ZNF280D: variants seen among roughly 807,000 people sequenced by gnomAD.
The protein encoded by ZNF280D is suppressor of hairy wing homolog 4.
Under a neutral mutation model 94.7 loss-of-function variants are expected in ZNF280D, and 39 were observed. That is an observed-to-expected ratio of 0.41 (90% CI 0.32 to 0.54). The LOEUF is 0.54. ZNF280D is among the 20% of genes least tolerant of loss of function. The pLI is 0.22. For synonymous variants in ZNF280D, 398 were observed against 377.6 expected (o/e 1.05, Z -0.63); for missense variants, 1,090 against 1,149.3 (o/e 0.95, Z 0.75).
At chr15:56,717,684 C>T (rs1440855357) in intron 1 of ZNF280D, among the ~76,000 whole-genome samples, 3 of 152,140 alleles carry the variant, frequency 2.0e-5, no homozygotes, top group Non-Finnish European at 4.4e-5. Flanking sequence ...GAGGTAGACA[C>T]TATCATCATC....
At chr15:56,648,818 A>C (rs2053044609) in intron 19 of ZNF280D, among the ~76,000 whole-genome samples, 1 of 152,148 alleles carries the variant, frequency 6.6e-6, no homozygotes. Flanking sequence ...TCTTGCTCAG[A>C]ATCTGCTTGA....
intron 3 of ZNF280D, 120 bp from the exon 4 acceptor site, chr15:56,704,387 T>C: frequency 2.0e-6 from 2 of 983,634 alleles, no homozygotes; most frequent in Non-Finnish European, 3.0e-6. Flanking sequence ...ATTTCTGAAT[T>C]GATATTTGTA....
At chr15:56,632,145 AT>A in intron 21 of ZNF280D, 23 bp from the exon 22 acceptor site, 1 of 1,504,514 alleles carries the variant, frequency 6.6e-7, no homozygotes. Flanking sequence ...GTCATTTATT[AT>A]GTATTTCTTC....
At chr15:56,670,942 G>GA (rs1555408114) in intron 13 of ZNF280D, among the ~76,000 whole-genome samples, 5 of 151,874 alleles carry the variant, frequency 3.3e-5, no homozygotes, top group African/African-American at 1.2e-4. Flanking sequence ...GTGATGTTGA[G>GA]TTTTTTTTCA....
In ZNF280D at chr15:56,690,708, G is replaced by GT. The variant is rs1258611551; in HGVS notation, c.500-1239dup. ...CCAGGCTATAAAAAGGCTCGGAAAA[G>GT]TTTTTTTTTGAAAATAACATACAAC... On this transcript the variant is annotated intron_variant, in intron 7 of 21. Coordinates refer to ENST00000267807, the MANE Select transcript of ZNF280D (RefSeq NM_017661.4). 3.0e-4 allele frequency among the ~76,000 whole-genome samples: 45 copies of GT among 151,614 alleles called. No individual in the cohort carries two copies. In the South Asian group the frequency reaches 3.1e-3, roughly 11 times the overall value.
At chr15:56,700,194 C>A in intron 6 of ZNF280D, 1 of 976,476 alleles carries the variant, frequency 1.0e-6, no homozygotes, top group South Asian at 4.7e-5. Flanking sequence ...TTATACACAA[C>A]ATATATGTAT....
In ZNF280D at chr15:56,726,213, A is replaced by G. The variant is rs569639373; in HGVS notation, c.-86+7245T>C. Among the ~76,000 whole-genome samples, 74 of 32,688 alleles carry G rather than the reference A, an allele frequency of 2.3e-3. 2 individuals are homozygous for G. The South Asian group carries it at 0.069, about 31-fold the overall frequency. 21.4% of individuals were successfully genotyped at this position (32,688 alleles called of 152,430 possible). On this transcript the variant is annotated intron_variant, in intron 1 of 21. Transcript: ENST00000267807. ...GAGATGTATTAAAGTACAACAGGCT[A>G]AAAAAAAAAACCTATTATGGAAGTA... is the stretch of plus-strand genomic sequence containing the variant.
chr15:56,670,278 T>C (rs1407038051), intron 13 of ZNF280D, among the ~76,000 whole-genome samples: 1 of 148,844 alleles, frequency 6.7e-6, no homozygotes, highest in Admixed American at 6.8e-5. Context: ...ATCCCGGAGG[T>C]TTTTTGTACA....
intron 19 of ZNF280D, among the ~76,000 whole-genome samples, chr15:56,648,326 C>T (rs2053017980): frequency 6.6e-6 from 1 of 151,924 alleles, no homozygotes; most frequent in Admixed American, 6.6e-5. Context: ...GAAGTTTGAG[C>T]AATAGAACAT....
At chr15:56,730,113 G>C (rs2058814920) in intron 1 of ZNF280D, 1 of 151,920 alleles carries the variant, frequency 6.6e-6, no homozygotes, top group Non-Finnish European at 1.5e-5. Context: ...AGTGATAATT[G>C]TACACTTTTC....
chr15:56,701,215 TG>T lies in ZNF280D; in HGVS notation c.198del (p.Ser67AlafsTer7). The part of the protein sequence containing the change: ...AISNILNRVN[P>X]SSYSRGLKNG... ...TTCTTTAGTCCCCTTGAATATGAGCTGGGGTTAACTCTGTTCAAAATATCTA... is the reference window on the plus strand; with the variant it reads ...TTCTTTAGTCCCCTTGAATATGAGCTGGGTTAACTCTGTTCAAAATATCTA... On this transcript the variant is annotated frameshift_variant, in exon 5 of 22. Coordinates refer to ENST00000267807, the MANE Select transcript of ZNF280D (RefSeq NM_017661.4). LOFTEE classifies it high-confidence loss of function. The T allele has an allele frequency of 6.3e-7, 1 of 1,579,614 alleles. No individual in the cohort carries two copies. The highest frequency in any genetic ancestry group is 8.6e-7 in the Non-Finnish European group (1 of 1,160,730).
At chr15:56,675,822 T>C (rs750507777) in intron 13 of ZNF280D, among the ~76,000 whole-genome samples, 3 of 152,010 alleles carry the variant, frequency 2.0e-5, no homozygotes, top group African/African-American at 4.8e-5. Context: ...AGAGAATGTA[T>C]TGAGCTTTGT....
intron 16 of ZNF280D, among the ~76,000 whole-genome samples, chr15:56,663,112 C>T (rs1173118842): frequency 6.7e-6 from 1 of 150,308 alleles, no homozygotes; most frequent in Non-Finnish European, 1.5e-5. Context: ...GGAAAAAATC[C>T]CATCCCTACA....
intron 19 of ZNF280D, 22 bp from the exon 20 acceptor site, chr15:56,643,019 G>C: frequency 2.1e-6 from 3 of 1,430,704 alleles, no homozygotes; most frequent in Non-Finnish European, 2.8e-6. Flanking sequence ...GATAAGTATT[G>C]AATATTTTAT....
At chr15:56,719,849 A>T (rs2058251649) in intron 1 of ZNF280D, among the ~76,000 whole-genome samples, 1 of 151,678 alleles carries the variant, frequency 6.6e-6, no homozygotes, top group African/African-American at 2.4e-5. Context: ...GTCTCTAAAA[A>T]ACAACATATA....
chr15:56,712,061 T>C (rs995898410), intron 1 of ZNF280D, among the ~76,000 whole-genome samples: 2 of 152,234 alleles, frequency 1.3e-5, no homozygotes, highest in African/African-American at 4.8e-5. Context: ...AACATCATTA[T>C]GTGGTACATG....
chr15:56,668,975 G>T lies in ZNF280D; in HGVS notation c.1411-18C>A. ...CCTTTTTTCTGTTTAGAAAAAAACA[G>T]AAAAAGGGGGAAAAATAATTTCAAA... On this transcript the variant is annotated intron_variant, in intron 13 of 21. Transcript: ENST00000267807. 6.3e-7 allele frequency: 1 copy of T among 1,588,382 alleles called. No individual in the cohort carries two copies.
intron 13 of ZNF280D, among the ~76,000 whole-genome samples, chr15:56,674,507 T>C (rs530497451): frequency 6.6e-6 from 1 of 152,222 alleles, no homozygotes; most frequent in Non-Finnish European, 1.5e-5. Flanking sequence ...TTAGACCCAA[T>C]GCCAATGTGA....
intron 6 of ZNF280D, among the ~76,000 whole-genome samples, chr15:56,695,669 A>G (rs528226119): frequency 5.3e-5 from 8 of 151,850 alleles, no homozygotes; most frequent in African/African-American, 1.7e-4. Flanking sequence ...AGCCGGGACT[A>G]CAGGTGCACA....
Sources: gnomAD v4.1 joint callset for allele counts (sites outside exome capture counted in the v4.1 genomes callset) on GRCh38, gnomAD v4.1.1 for gene constraint, MANE v1.5 for transcripts, NCBI Gene and HGNC (gene_info 2026-07-23, HGNC 2026-07-21) for gene names.